AATK: variants seen among roughly 807,000 people sequenced by gnomAD.
The protein encoded by AATK is lemur tail kinase 1, also known as serine/threonine-protein kinase LMTK1.
In AATK, 91 loss-of-function variants were observed where a neutral mutation model predicts 114.3. The observed-to-expected ratio is 0.80, with a 90% confidence interval of 0.67 to 0.95. The LOEUF (loss-of-function observed/expected upper bound fraction) is 0.95, where lower values mean the gene tolerates loss of function less well. Ranked by LOEUF, AATK falls within the 40% of genes least tolerant of loss-of-function variation. AATK has a pLI of 0.00. For synonymous variants in AATK, 1,075 were observed against 916.5 expected (o/e 1.17, Z -3.12); for missense variants, 2,176 against 1,965.2 (o/e 1.11, Z -2.03).
At chr17:81,130,060 C>A (rs1301170991) in intron 3 of AATK, among the ~76,000 whole-genome samples, 1 of 152,196 alleles carries the variant, frequency 6.6e-6, no homozygotes, top group East Asian at 1.9e-4. Flanking sequence ...GCTCTCAGGG[C>A]CCAGCCAGGC....
chr17:81,132,774 G>C, intron 2 of AATK: 1 of 231,216 alleles, frequency 4.3e-6, no homozygotes, highest in South Asian at 4.0e-5. Context: ...AGGGAGCCCA[G>C]CGCAGGTCCC....
At chr17:81,152,211 G>C (rs2061307993) in intron 1 of AATK, among the ~76,000 whole-genome samples, 1 of 152,214 alleles carries the variant, frequency 6.6e-6, no homozygotes, top group Non-Finnish European at 1.5e-5. Flanking sequence ...CCAGGAGGCA[G>C]AGATTGCAGG....
intron 1 of AATK, among the ~76,000 whole-genome samples, chr17:81,152,062 G>A (rs2146394139): frequency 6.6e-6 from 1 of 151,952 alleles, no homozygotes; most frequent in Middle Eastern, 3.4e-3. Context: ...ATCACTTGAG[G>A]TCGGAAGTTC....
rs1009237147 is a variant in AATK, at chr17:81,123,444, G to A, written c.963-101C>T. On this transcript the variant is annotated intron_variant, in intron 9 of 13. Transcript: ENST00000326724. ...CGAATGGGGCAGCTCCCGCCATCAC[G>A]CCAGTGCCTCAGGACCGGGGCCTGG... 4.6e-5 allele frequency: 51 copies of A among 1,117,434 alleles called. 1 individual carries two copies. The Middle Eastern group carries it at 1.3e-3, about 28-fold the overall frequency. 69.2% of individuals were successfully genotyped at this position (1,117,434 alleles called of 1,614,324 possible). A position where few individuals can be genotyped will look rare whatever the true frequency, so the allele number is the denominator to read the frequency against.
chr17:81,165,466 C>T (rs1051185799), intron 1 of AATK: 7 of 400,762 alleles, frequency 1.7e-5, no homozygotes, highest in African/African-American at 1.3e-4. Flanking sequence ...CTGCTCCCCC[C>T]ACATCCCCCG....
At chr17:81,124,390 G>A (rs948515684) in intron 9 of AATK, among the ~76,000 whole-genome samples, 9 of 152,180 alleles carry the variant, frequency 5.9e-5, no homozygotes, top group South Asian at 4.1e-4. Flanking sequence ...CTACGCTCCC[G>A]TGAAGGCAGC....
chr17:81,163,143 G>C (rs1324290452), intron 1 of AATK, among the ~76,000 whole-genome samples: 1 of 152,204 alleles, frequency 6.6e-6, no homozygotes, highest in African/African-American at 2.4e-5. Flanking sequence ...CCCACCCTCA[G>C]GCTGAGCGCG....
At chr17:81,160,690 A>C (rs1415473306) in intron 1 of AATK, among the ~76,000 whole-genome samples, 1 of 152,200 alleles carries the variant, frequency 6.6e-6, no homozygotes, top group Non-Finnish European at 1.5e-5. Context: ...GCCCCACGGC[A>C]GGTGCTTTGC....
In AATK at chr17:81,126,074, G is replaced by A. The variant is rs1282781253; in HGVS notation, c.755+353C>T. The A allele has an allele frequency of 4.2e-6, 2 of 477,016 alleles. No individual in the cohort carries two copies. Among genetic ancestry groups the A allele is most frequent in the Non-Finnish European group, 8.4e-6 (2 of 237,368 alleles). The allele number at this position is 477,016 out of a possible 1,614,324, so 29.5% of individuals were successfully genotyped here. On this transcript the variant is annotated intron_variant, in intron 7 of 13. Transcript: ENST00000326724. This position sits in a 1 kb window ranked among gnomAD's most constrained non-coding sequence, Gnocchi z 5.1. ...CAAGCAGGACAGAACCCTCCCTCCA[G>A]GGTCCTTCGAAGCAGGGTCTGTCTC...
At chr17:81,153,554 G>T (rs2061323765) in intron 1 of AATK, among the ~76,000 whole-genome samples, 1 of 152,192 alleles carries the variant, frequency 6.6e-6, no homozygotes, top group Admixed American at 6.5e-5. Flanking sequence ...AAGAAGCCGG[G>T]GAAGTTACTG....
chr17:81,164,767 G>GCT (rs1440174232), intron 1 of AATK, among the ~76,000 whole-genome samples: 1 of 152,166 alleles, frequency 6.6e-6, no homozygotes, highest in East Asian at 1.9e-4. Context: ...TGTTGCCGTG[G>GCT]CTGTTGGGCT....
Position 81,119,414 on chromosome 17 carries a change from C to G in AATK, c.4050G>C (p.Thr1350=). The G allele has an allele frequency of 1.3e-6, 2 of 1,546,840 alleles. No homozygotes were observed. The highest frequency in any genetic ancestry group is 8.7e-7 in the Non-Finnish European group (1 of 1,153,390). Residue 1350 remains threonine (T), a synonymous_variant, in exon 13 of 14, where the codon ACG becomes ACC. Coordinates refer to ENST00000326724, the MANE Select transcript of AATK (RefSeq NM_001080395.3). ...ACTCGGCGTCCGAGTCAGACACGTG[C>G]GTGATGGAGAAGCGGGACGTGGGCG... is the stretch of plus-strand genomic sequence containing the variant. ...SPAPTSRFSI[T]HVSDSDAESK...
intron 1 of AATK, among the ~76,000 whole-genome samples, chr17:81,137,930 A>ACACGCACACATCCACACG (rs1367242798): frequency 2.7e-5 from 4 of 149,790 alleles, no homozygotes; most frequent in African/African-American, 7.4e-5. Flanking sequence ...GCACACAGCC[A>ACACGCACACATCCACACG]CACGCACACA....
At chr17:81,138,794 C>G (rs570530540) in intron 1 of AATK, among the ~76,000 whole-genome samples, 110 of 20,992 alleles carry the variant, frequency 5.2e-3, no homozygotes, top group African/African-American at 0.01. Context: ...CATGTGCACA[C>G]AATACCCACT....
chr17:81,131,150 G>C lies in AATK; in HGVS notation c.245C>G (p.Pro82Arg), dbSNP rs570740163. Residue 82 changes from proline to arginine, a missense_variant, in exon 3 of 14, where the codon CCG becomes CGG. By Grantham distance (103) the Pro-to-Arg change is moderately radical. Around this residue, in one of 4 missense-constraint regions of AATK, gnomAD observed 178 missense variants for 175.4 expected, o/e 1.01. Coordinates refer to ENST00000326724, the MANE Select transcript of AATK (RefSeq NM_001080395.3). ...EYAADLAQGS[P>R]ATAAQNGPDV... ...GGGCCCGTTCTGTGCTGCCGTGGCC[G>C]GGGAGCCCTGCGCCAGGTCGGCTGC... 1 of 1,576,272 alleles carries C rather than the reference G, an allele frequency of 6.3e-7. No homozygotes were observed.
At chr17:81,160,733 C>T (rs2146420667) in intron 1 of AATK, among the ~76,000 whole-genome samples, 1 of 152,358 alleles carries the variant, frequency 6.6e-6, no homozygotes, top group African/African-American at 2.4e-5. Flanking sequence ...GTCGAGTGGG[C>T]CTCCCGTCAG....
intron 1 of AATK, among the ~76,000 whole-genome samples, chr17:81,138,717 G>A (rs527674027): frequency 3.6e-5 from 5 of 139,062 alleles, no homozygotes; most frequent in South Asian, 2.3e-4. Flanking sequence ...ACCCACACGC[G>A]CAAACCCACA....
At position 81,134,485 on chromosome 17, in the gene AATK, G is replaced by C; in HGVS notation, c.72C>G (p.Ser24Arg). The C allele has an allele frequency of 6.2e-7, 1 of 1,612,400 alleles. No individual in the cohort carries two copies. Among genetic ancestry groups the C allele is most frequent in the East Asian group, 2.2e-5 (1 of 44,846 alleles). The change falls in exon 2 of 14, where the codon AGC becomes AGG. Residue 24 changes from serine (S) to arginine (R), a missense_variant. By Grantham distance (110) the Ser-to-Arg change is moderately radical. This residue lies in a region of AATK where 178 missense variants were observed against 175.4 expected (regional missense o/e 1.01). Coordinates refer to ENST00000326724, the MANE Select transcript of AATK (RefSeq NM_001080395.3). ...CGAGGGAGGATGGCCAGGACAGCTC[G>C]CTGAGCGGGGCGCCGTCTGCGGGAG... ...SHFDPDGAPL[S>R]ELSWPSSLAV...
chr17:81,160,531 T>A (rs1375554769), intron 1 of AATK, among the ~76,000 whole-genome samples: 1 of 152,236 alleles, frequency 6.6e-6, no homozygotes, highest in African/African-American at 2.4e-5. Context: ...CTTGTTCCTC[T>A]GTGAAAGGCA....
Sources: allele counts gnomAD v4.1 joint callset (sites outside exome capture counted in the v4.1 genomes callset), GRCh38; gene constraint gnomAD v4.1.1; regional missense constraint gnomAD v4.1.1; non-coding constraint Gnocchi (gnomAD v3.1); transcripts MANE v1.5; gene names NCBI Gene and HGNC (gene_info 2026-07-23, HGNC 2026-07-21).